NKAIN3: variants seen among roughly 807,000 people sequenced by gnomAD.
NKAIN3 encodes the protein sodium/potassium-transporting ATPase subunit beta-1-interacting protein 3.
NKAIN3 carries 25 observed loss-of-function variants against 30.2 expected under a neutral mutation model. The ratio of observed to expected loss-of-function variants is 0.83; its 90% CI spans 0.60 to 1.16. NKAIN3 has a LOEUF of 1.16. NKAIN3 is among the 50% of genes most tolerant of loss of function. NKAIN3 has a pLI of 0.00. For synonymous variants in NKAIN3, 91 were observed against 89.6 expected (o/e 1.02, Z -0.09); for missense variants, 225 against 254.1 (o/e 0.89, Z 0.78).
chr8:62,595,272 C>A (rs1370280776), intron 3 of NKAIN3, among the ~76,000 whole-genome samples: 2 of 151,590 alleles, frequency 1.3e-5, no homozygotes, highest in African/African-American at 4.8e-5. Flanking sequence ...ATACATTTTG[C>A]TGAATTTCTT....
chr8:62,582,833 GATC>G (rs60564093), intron 2 of NKAIN3, among the ~76,000 whole-genome samples: 78,188 of 151,620 alleles, frequency 0.52, 20,591 homozygotes, highest in Non-Finnish European at 0.58. Flanking sequence ...AGAGGAATGA[GATC>G]ATCAGTGGGG....
rs1033122124 is a variant in NKAIN3 at position 62,399,264 on chromosome 8, G to A, written c.54+150137G>A. On this transcript the variant is annotated intron_variant, in intron 1 of 6. Transcript: ENST00000623646. The stretch of plus-strand genomic sequence containing the variant: ...CTCATGCTTGTAATCTCAGCACTTC[G>A]GGAGGCCGAGGCGGGTAGATCGCTT... 1.9e-4 allele frequency among the ~76,000 whole-genome samples: 29 copies of A among 152,114 alleles called. 1 individual carries two copies. The highest frequency in any genetic ancestry group is 6.4e-3 in the Middle Eastern group (2 of 314).
intron 4 of NKAIN3, among the ~76,000 whole-genome samples, chr8:62,831,906 A>G (rs982272890): frequency 1.3e-5 from 2 of 152,190 alleles, no homozygotes; most frequent in African/African-American, 4.8e-5. Flanking sequence ...TTGTCAAGGC[A>G]TATAGTCACC....
intron 1 of NKAIN3, among the ~76,000 whole-genome samples, chr8:62,250,103 G>T (rs1411656858): frequency 6.6e-6 from 1 of 152,126 alleles, no homozygotes; most frequent in Admixed American, 6.5e-5. Flanking sequence ...ATATAAACTA[G>T]TATATTTTGA....
At chr8:62,491,544 A>G (rs1807066240) in intron 1 of NKAIN3, among the ~76,000 whole-genome samples, 1 of 152,178 alleles carries the variant, frequency 6.6e-6, no homozygotes, top group South Asian at 2.1e-4. Flanking sequence ...AGAGGCAAAC[A>G]CAAATAGTGA....
At chr8:62,281,417 A>G (rs866508738) in intron 1 of NKAIN3, among the ~76,000 whole-genome samples, 6 of 151,940 alleles carry the variant, frequency 3.9e-5, no homozygotes, top group Non-Finnish European at 7.4e-5. Context: ...ACTTCTGCTA[A>G]CTTTTGAATG....
chr8:62,559,920 C>G (rs1344614020), intron 1 of NKAIN3, among the ~76,000 whole-genome samples: 1 of 152,042 alleles, frequency 6.6e-6, no homozygotes, highest in Non-Finnish European at 1.5e-5. Flanking sequence ...TGAGAACTCT[C>G]TTTAGCCTTT....
chr8:62,633,649 G>C (rs992890067), intron 3 of NKAIN3, among the ~76,000 whole-genome samples: 2 of 152,098 alleles, frequency 1.3e-5, no homozygotes, highest in African/African-American at 4.8e-5. Flanking sequence ...AACCTTTTGG[G>C]AACAAAGCTG....
chr8:62,368,249 A>T (rs1795929993), intron 1 of NKAIN3, among the ~76,000 whole-genome samples: 1 of 152,192 alleles, frequency 6.6e-6, no homozygotes, highest in African/African-American at 2.4e-5. Flanking sequence ...ACCACAAAAT[A>T]CCCAAAGACA....
At chr8:62,631,983 A>G (rs1358523873) in intron 3 of NKAIN3, among the ~76,000 whole-genome samples, 3 of 152,294 alleles carry the variant, frequency 2.0e-5, no homozygotes, top group Middle Eastern at 3.4e-3. Flanking sequence ...CATATATTAA[A>G]ATTATAACAC....
chr8:62,684,088 A>G (rs1363370299), intron 3 of NKAIN3, among the ~76,000 whole-genome samples: 1 of 152,138 alleles, frequency 6.6e-6, no homozygotes, highest in East Asian at 1.9e-4. Flanking sequence ...TCAGACATCC[A>G]CTATCAACTT....
At chr8:62,892,391 C>T (rs1228436012) in intron 4 of NKAIN3, among the ~76,000 whole-genome samples, 1 of 152,106 alleles carries the variant, frequency 6.6e-6, no homozygotes, top group African/African-American at 2.4e-5. Flanking sequence ...GAGAAAAAGG[C>T]AGACATTTTT....
chr8:62,345,276 T>C (rs28844364), intron 1 of NKAIN3, among the ~76,000 whole-genome samples: 23 of 116,322 alleles, frequency 2.0e-4, no homozygotes, highest in South Asian at 8.6e-4. Flanking sequence ...CACACACACA[T>C]ATACACGCAC....
intron 1 of NKAIN3, among the ~76,000 whole-genome samples, chr8:62,420,392 G>A (rs1485111207): frequency 6.6e-6 from 1 of 152,118 alleles, no homozygotes; most frequent in Non-Finnish European, 1.5e-5. Flanking sequence ...GTATTCCACA[G>A]CCAAGCATTC....
intron 4 of NKAIN3, among the ~76,000 whole-genome samples, chr8:62,870,950 G>A (rs1220877327): frequency 4.3e-4 from 66 of 151,780 alleles, no homozygotes; most frequent in Non-Finnish European, 4.4e-5. Context: ...CTCTTCTTTA[G>A]CACAACAAAG....
At chr8:62,544,782 C>T (rs1194211193) in intron 1 of NKAIN3, among the ~76,000 whole-genome samples, 1 of 152,076 alleles carries the variant, frequency 6.6e-6, no homozygotes, top group African/African-American at 2.4e-5. Context: ...TTGCATATAA[C>T]TTTTGACTCT....
intron 1 of NKAIN3, among the ~76,000 whole-genome samples, chr8:62,399,952 C>A (rs1817883289): frequency 6.6e-6 from 1 of 152,084 alleles, no homozygotes; most frequent in Non-Finnish European, 1.5e-5. Context: ...GTGTGGATGA[C>A]ACAGGAGAGA....
At chr8:62,252,372 C>T (rs931724974) in intron 1 of NKAIN3, among the ~76,000 whole-genome samples, 7 of 152,180 alleles carry the variant, frequency 4.6e-5, no homozygotes, top group African/African-American at 1.4e-4. Context: ...TTATCTTATT[C>T]CCATTTTGTC....
intron 4 of NKAIN3, among the ~76,000 whole-genome samples, chr8:62,833,698 CA>C (rs563003978): frequency 1.1e-3 from 157 of 142,848 alleles, no homozygotes; most frequent in South Asian, 8.8e-4. Flanking sequence ...AACCTACCAA[CA>C]AAAAAAAAAG....
Sources: allele counts gnomAD v4.1 joint callset (sites outside exome capture counted in the v4.1 genomes callset), GRCh38; gene constraint gnomAD v4.1.1; transcripts MANE v1.5; gene names NCBI Gene and HGNC (gene_info 2026-07-23, HGNC 2026-07-21).